Variants in ENDOV observed in about 807,000 individuals in gnomAD.
The protein encoded by ENDOV is endonuclease V.
A neutral mutation model predicts 39.4 loss-of-function variants in ENDOV; 37 were observed. The ratio of observed to expected loss-of-function variants is 0.94; its 90% CI spans 0.72 to 1.23. The LOEUF is 1.23. Ranked by LOEUF, ENDOV falls within the 50% of genes most tolerant of loss-of-function variation. The probability of loss-of-function intolerance (pLI) is 0.00; values close to 1 mark genes in which losing one functional copy is unlikely to be tolerated. For missense variants in ENDOV, 441 were observed against 375.7 expected (o/e 1.17, Z -1.44); for synonymous variants, 186 against 163.4 (o/e 1.14, Z -1.05).
chr17:80,430,455 A>G lies in ENDOV; in HGVS notation c.838+624A>G, dbSNP rs1331387953. The G allele has an allele frequency of 2.5e-6, 3 of 1,216,262 alleles. No homozygotes were observed. In the African/African-American group the frequency reaches 4.6e-5, roughly 19 times the overall value. 75.3% of individuals were successfully genotyped at this position (1,216,262 alleles called of 1,614,324 possible). A position where few individuals can be genotyped will look rare whatever the true frequency, so the allele number is the denominator to read the frequency against. On this transcript the variant is annotated intron_variant, in intron 9 of 9. Transcript: ENST00000518137. ...CAAAATCAGGGTTCATTTTTAAAGC[A>G]GGTCCTCAGCCCCAGCCACACTGAA...
At chr17:80,421,332 A>G (rs2081996213) in intron 2 of ENDOV, among the ~76,000 whole-genome samples, 1 of 148,152 alleles carries the variant, frequency 6.7e-6, no homozygotes, top group African/African-American at 2.5e-5. Context: ...GAATCCTCCT[A>G]TGGACCAGGT....
At chr17:80,424,097 C>G (rs568817775) in intron 5 of ENDOV, 1 of 396,248 alleles carries the variant, frequency 2.5e-6, no homozygotes, top group Admixed American at 4.4e-5. Context: ...TCACCTTCCC[C>G]TGCATCTTCC....
intron 2 of ENDOV, chr17:80,419,810 A>T: frequency 1.6e-6 from 1 of 644,414 alleles, no homozygotes; most frequent in Non-Finnish European, 2.9e-6. Context: ...GATGTGGTCT[A>T]CCCAAGTCCC....
intron 5 of ENDOV, chr17:80,424,074 C>T (rs1232375353): frequency 1.5e-5 from 6 of 396,878 alleles, no homozygotes; most frequent in Admixed American, 8.7e-5. Context: ...CTGCCACCCA[C>T]ACTCTTCCTA....
intron 4 of ENDOV, among the ~76,000 whole-genome samples, chr17:80,423,186 C>T (rs1053055601): frequency 5.3e-5 from 8 of 152,222 alleles, no homozygotes; most frequent in African/African-American, 1.7e-4. Flanking sequence ...CTCGTGCCAG[C>T]GCTGGCAGGC....
intron 7 of ENDOV, 118 bp from the exon 8 acceptor site, chr17:80,428,478 G>C (rs976242357): frequency 1.0e-6 from 1 of 966,914 alleles, no homozygotes; most frequent in Admixed American, 2.3e-5. Flanking sequence ...AACTGGCTGT[G>C]ACCTGTGTGT....
intron 9 of ENDOV, chr17:80,430,332 T>C: frequency 1.3e-6 from 2 of 1,525,100 alleles, no homozygotes; most frequent in Non-Finnish European, 1.8e-6. Context: ...GGAACTTGCT[T>C]GCTCTTTTTT....
chr17:80,432,253 TCC>T (rs1424631285), intron 9 of ENDOV, among the ~76,000 whole-genome samples: 2 of 151,910 alleles, frequency 1.3e-5, no homozygotes, highest in Admixed American at 6.6e-5. Context: ...CTCGGTACAC[TCC>T]TAATAAATGG....
chr17:80,422,292 G>A (rs377148719), intron 4 of ENDOV, 47 bp downstream of exon 4: 37 of 1,602,288 alleles, frequency 2.3e-5, no homozygotes, highest in East Asian at 1.3e-4. Context: ...GGGGAAGAGC[G>A]GGGGGAGAGG....
chr17:80,425,378 T>C, intron 6 of ENDOV, 114 bp from the exon 7 acceptor site: 1 of 1,442,382 alleles, frequency 6.9e-7, no homozygotes, highest in Non-Finnish European at 9.2e-7. Flanking sequence ...CACTGCCCCT[T>C]CAGCTTCCCC....
At chr17:80,423,809 T>C in intron 5 of ENDOV, 177 bp downstream of exon 5, 1 of 628,966 alleles carries the variant, frequency 1.6e-6, no homozygotes, top group East Asian at 2.9e-5. Context: ...ATTGCCTGTC[T>C]CAGCTGAGGG....
At chr17:80,423,776 A>T in intron 5 of ENDOV, 144 bp downstream of exon 5, 1 of 765,804 alleles carries the variant, frequency 1.3e-6, no homozygotes, top group Non-Finnish European at 2.1e-6. Context: ...AGTAAGAAAG[A>T]CCTGCTTTCC....
At chr17:80,423,792 G>C in intron 5 of ENDOV, 160 bp downstream of exon 5, 1 of 662,772 alleles carries the variant, frequency 1.5e-6, no homozygotes, top group East Asian at 2.8e-5. Flanking sequence ...TTTCCTCTGG[G>C]TGCTGCATTG....
intron 2 of ENDOV, among the ~76,000 whole-genome samples, chr17:80,421,590 TG>T (rs1348897611): frequency 1.4e-5 from 2 of 146,064 alleles, no homozygotes; most frequent in East Asian, 2.0e-4. Flanking sequence ...GACCAGGTCC[TG>T]GGGGGGTCTG....
At chr17:80,421,731 GA>G in intron 2 of ENDOV, 96 bp from the exon 3 acceptor site, 1 of 1,470,976 alleles carries the variant, frequency 6.8e-7, no homozygotes, top group Non-Finnish European at 9.1e-7. Flanking sequence ...TGACGTAAGG[GA>G]GAGGGAAGGA....
chr17:80,423,877 T>C (rs1281739244), intron 5 of ENDOV: 2 of 527,098 alleles, frequency 3.8e-6, no homozygotes, highest in Non-Finnish European at 6.7e-6. Flanking sequence ...CCCCCTTGCC[T>C]CTGAGCCACC....
intron 9 of ENDOV, among the ~76,000 whole-genome samples, chr17:80,432,722 G>A (rs544386236): frequency 6.6e-6 from 1 of 152,186 alleles, no homozygotes; most frequent in Non-Finnish European, 1.5e-5. Context: ...CAATGCTGGC[G>A]ATGGGGGACC....
In ENDOV at chr17:80,429,890, C is replaced by T. The variant is rs748501477; in HGVS notation, c.838+59C>T. ...GCCCCAGGACAGCCCCAAGGCCAGG[C>T]TCCCAGGAGCAGGCGGGCAAGGACT... On this transcript the variant is annotated intron_variant, in intron 9 of 9. Coordinates refer to ENST00000518137, the MANE Select transcript of ENDOV (RefSeq NM_173627.5). 9.3e-6 allele frequency: 15 copies of T among 1,612,154 alleles called. No individual in the cohort carries two copies. The South Asian group carries it at 1.3e-4, about 14-fold the overall frequency.
At chr17:80,429,874 C>T in intron 9 of ENDOV, 43 bp downstream of exon 9, 1 of 1,612,624 alleles carries the variant, frequency 6.2e-7, no homozygotes, top group Non-Finnish European at 8.5e-7. Flanking sequence ...GGCCCCAGGA[C>T]AGCCCCAAGG....
Sources: gnomAD v4.1 joint callset for allele counts (sites outside exome capture counted in the v4.1 genomes callset) on GRCh38, gnomAD v4.1.1 for gene constraint, MANE v1.5 for transcripts, NCBI Gene and HGNC (gene_info 2026-07-23, HGNC 2026-07-21) for gene names.